Variants in NUMA1 observed in about 807,000 individuals in gnomAD.
NUMA1 encodes the protein nuclear mitotic apparatus protein 1, also known as SP-H antigen.
Under a neutral mutation model 237.1 loss-of-function variants are expected in NUMA1, and 62 were observed. That is an observed-to-expected ratio of 0.26 (90% CI 0.21 to 0.32). The LOEUF is 0.32. NUMA1 is among the 10% of genes least tolerant of loss of function. The pLI, the probability that NUMA1 is intolerant of heterozygous loss-of-function variation, is 1.00. For missense variants in NUMA1, 2,533 were observed against 2,666.5 expected, an observed-to-expected ratio of 0.95 and a Z score of 1.10; for synonymous variants, 1,028 against 1,066.1, an observed-to-expected ratio of 0.96 and a Z score of 0.70.
chr11:72,010,483 A>G (rs769708567), intron 17 of NUMA1, among the ~76,000 whole-genome samples: 1 of 152,258 alleles, frequency 6.6e-6, no homozygotes, highest in Non-Finnish European at 1.5e-5. Context: ...GCTACTGAAC[A>G]GGGGCACAGT....
At position 72,007,248 on chromosome 11, in the gene NUMA1, G is replaced by C. The variant is rs143730967; in HGVS notation, c.5404C>G (p.Arg1802Gly). 6.5e-5 allele frequency: 105 copies of C among 1,612,866 alleles called. No individual in the cohort carries two copies. Among genetic ancestry groups the C allele is most frequent in the Non-Finnish European group, 8.6e-5 (102 of 1,179,882 alleles). Residue 1802 changes from arginine (R) to glycine (G), a missense_variant, in exon 21 of 27, where the codon CGT becomes GGT. Transcript: ENST00000393695. ...SLGDVFLDSG[R>G]KTRSARRRTT... ...CGCCGACGAGCGGAGCGGGTCTTAC[G>C]ACCCGAGTCCAGGAAGACGTCTCCC...
At position 72,004,060 on chromosome 11, in the gene NUMA1, T is replaced by A; in HGVS notation, c.6163A>T (p.Thr2055Ser). Residue 2055 changes from threonine to serine, a missense_variant, in exon 26 of 27, where the codon ACA becomes TCA. Transcript: ENST00000393695. ...AGGCTGTTCCCTAGCTTCTTGGGTG[T>A]GTTGAGGATGCTGAAGGCCATCGAC... ...RQSMAFSILN[T>S]PKKLGNSLLR... 1 of 1,613,330 alleles carries A rather than the reference T, an allele frequency of 6.2e-7. No homozygotes were observed. The highest frequency in any genetic ancestry group is 8.5e-7 in the Non-Finnish European group (1 of 1,179,702).
intron 2 of NUMA1, among the ~76,000 whole-genome samples, chr11:72,060,504 G>A (rs772629363): frequency 5.9e-5 from 9 of 152,166 alleles, no homozygotes; most frequent in Non-Finnish European, 1.0e-4. Context: ...ATAGCCAGTT[G>A]TGGTGGCATG....
At position 72,014,938 on chromosome 11, in the gene NUMA1, C is replaced by G; in HGVS notation, c.2565G>C (p.Lys855Asn). ...ARQELQEAKE[K>N]VAGIESHSEL... ...CGCTGTGGGATTCTATGCCTGCCAC[C>G]TTCTCCTTTGCCTCCTGCAGCTCCT... Residue 855 changes from lysine (K) to asparagine (N), a missense_variant, in exon 15 of 27, where the codon AAG (lysine) becomes AAC (asparagine). Lys to Asn is a moderately conservative substitution (Grantham distance 94). Coordinates refer to ENST00000393695, the MANE Select transcript of NUMA1 (RefSeq NM_006185.4). This position sits in a 1 kb window ranked among gnomAD's most constrained non-coding sequence, Gnocchi z 4.6. The G allele has an allele frequency of 6.2e-7, 1 of 1,614,186 alleles. No individual in the cohort carries two copies. The highest frequency in any genetic ancestry group is 8.5e-7 in the Non-Finnish European group (1 of 1,180,054).
At chr11:72,071,259 T>C (rs1036513480) in intron 1 of NUMA1, among the ~76,000 whole-genome samples, 2 of 151,562 alleles carry the variant, frequency 1.3e-5, no homozygotes, top group African/African-American at 4.9e-5. Context: ...GTTTATAGAT[T>C]AGACAACACA....
chr11:72,057,023 T>C (rs1332828660), intron 2 of NUMA1, among the ~76,000 whole-genome samples: 1 of 148,626 alleles, frequency 6.7e-6, no homozygotes, highest in African/African-American at 2.5e-5. Flanking sequence ...AATTGGAAGA[T>C]ACTATCAATT....
chr11:72,017,848 T>C (rs1391675055), intron 12 of NUMA1, 21 bp from the exon 13 acceptor site: 1 of 1,492,848 alleles, frequency 6.7e-7, no homozygotes, highest in African/African-American at 2.0e-5. Flanking sequence ...CAAGTGAGAA[T>C]CCCCATCACC....
Position 72,010,816 on chromosome 11 carries a change from T to G in NUMA1, c.4689A>C (p.Gln1563His). The G allele has an allele frequency of 6.2e-7, 1 of 1,613,852 alleles. No homozygotes were observed. The highest frequency in any genetic ancestry group is 8.5e-7 in the Non-Finnish European group (1 of 1,179,978). Residue 1563 changes from glutamine to histidine, a missense_variant, in exon 17 of 27, where the codon CAA becomes CAC. Transcript: ENST00000393695. ...ELSKKLADSD[Q>H]ASKVQQQKLK... is the part of the protein sequence containing the mutation. ...GCTTCTGCTGCTGCACCTTGCTGGC[T>G]TGGTCAGAGTCAGCCAGTTTCTTAC...
chr11:72,031,364 TGAA>T (rs1348951188), intron 3 of NUMA1, among the ~76,000 whole-genome samples: 1 of 152,038 alleles, frequency 6.6e-6, no homozygotes, highest in African/African-American at 2.4e-5. Flanking sequence ...ATTAAAATAA[TGAA>T]GTAGACATAA....
At chr11:72,063,608 C>CAAAAAAAAAAAAAA (rs71052848) in intron 2 of NUMA1, among the ~76,000 whole-genome samples, 1 of 61,134 alleles carries the variant, frequency 1.6e-5, no homozygotes, top group Non-Finnish European at 3.3e-5. Flanking sequence ...TACCAAAACT[C>CAAAAAAAAAAAAAA]AAAAAAAAAA....
intron 24 of NUMA1, 88 bp downstream of exon 24, chr11:72,004,531 AGAGAGGGGGAAGTGAGGGAAG>A: frequency 7.7e-7 from 1 of 1,291,914 alleles, no homozygotes; most frequent in Non-Finnish European, 1.1e-6. Context: ...AGAGAGGGAA[AGAGAGGGGGAAGTGAGGGAAG>A]GAGAGAGAAG....
chr11:72,003,972 G>C lies in NUMA1; in HGVS notation c.6251C>G (p.Thr2084Ser). The C allele has an allele frequency of 6.2e-7, 1 of 1,613,304 alleles. No individual in the cohort carries two copies. The highest frequency in any genetic ancestry group is 8.5e-7 in the Non-Finnish European group (1 of 1,179,636). The change falls in exon 26 of 27, where the codon ACC becomes AGC. Residue 2084 changes from threonine to serine, a missense_variant. Around this residue, in one of 3 missense-constraint regions of NUMA1, gnomAD observed 795 missense variants for 750.8 expected, o/e 1.06. Transcript: ENST00000393695. ...GGTGGCAATGCGCGGAGAACGGCGG[G>C]TTCCACTGCGAGTGTTGGGGGAAGC... is the stretch of plus-strand genomic sequence containing the variant. The part of the protein sequence containing the change: ...SKASPNTRSG[T>S]RRSPRIATTT...
At position 72,015,367 on chromosome 11, in the gene NUMA1, C is replaced by T. The variant is rs776894088; in HGVS notation, c.2136G>A (p.Lys712=). Residue 712 remains lysine, a synonymous_variant, in exon 15 of 27, where the codon AAG becomes AAA. Coordinates refer to ENST00000393695, the MANE Select transcript of NUMA1 (RefSeq NM_006185.4). The surrounding 1 kb of genome is among the most constrained non-coding windows in gnomAD (Gnocchi z 4.0). ...CCTCTTCAAGGCTGCCCTTGGTGACCTTCAAGGACTCTTTGAGGGCCTGGA... is the reference window on the plus strand; with the variant it reads ...CCTCTTCAAGGCTGCCCTTGGTGACTTTCAAGGACTCTTTGAGGGCCTGGA... The part of the protein sequence containing the change: ...EQLQALKESL[K]VTKGSLEEEK... 1 of 1,612,838 alleles carries T rather than the reference C, an allele frequency of 6.2e-7. No individual in the cohort carries two copies. The highest frequency in any genetic ancestry group is 1.1e-5 in the South Asian group (1 of 91,090).
chr11:72,017,317 T>C (rs1230138454), intron 13 of NUMA1: 1 of 312,630 alleles, frequency 3.2e-6, no homozygotes, highest in South Asian at 3.0e-5. Flanking sequence ...CTACACGATG[T>C]GTGAAGTGCT....
intron 20 of NUMA1, chr11:72,008,126 T>C (rs1459131446): frequency 6.3e-6 from 3 of 479,336 alleles, no homozygotes; most frequent in Admixed American, 2.3e-5. Flanking sequence ...TCAGGTATAA[T>C]TGTCATGAGT....
At chr11:72,058,625 G>A (rs911419292) in intron 2 of NUMA1, among the ~76,000 whole-genome samples, 3 of 152,104 alleles carry the variant, frequency 2.0e-5, no homozygotes, top group Admixed American at 6.6e-5. Context: ...CCCATGTTTT[G>A]ATTACTCCTG....
At chr11:72,036,533 T>C (rs1941042464) in intron 2 of NUMA1, among the ~76,000 whole-genome samples, 1 of 152,224 alleles carries the variant, frequency 6.6e-6, no homozygotes, top group Non-Finnish European at 1.5e-5. Flanking sequence ...GATTTCTAGC[T>C]CTTTCTACAG....
At chr11:72,036,094 C>T in intron 2 of NUMA1, 119 bp from the exon 3 acceptor site, 1 of 710,616 alleles carries the variant, frequency 1.4e-6, no homozygotes, top group Non-Finnish European at 2.4e-6. Flanking sequence ...TCACTGAATC[C>T]ACCAAGACAC....
At chr11:72,072,754 T>C (rs1262786308) in intron 1 of NUMA1, among the ~76,000 whole-genome samples, 1 of 152,158 alleles carries the variant, frequency 6.6e-6, no homozygotes, top group African/African-American at 2.4e-5. Flanking sequence ...GCCAGAGGAA[T>C]TGTCAAAACT....
Sources: gnomAD v4.1 joint callset for allele counts (sites outside exome capture counted in the v4.1 genomes callset) on GRCh38, gnomAD v4.1.1 for gene constraint, gnomAD v4.1.1 regional missense constraint, Gnocchi (gnomAD v3.1) non-coding constraint, MANE v1.5 for transcripts, NCBI Gene and HGNC (gene_info 2026-07-23, HGNC 2026-07-21) for gene names.